SHROOM2: variants seen among roughly 807,000 people sequenced by gnomAD.
SHROOM2 encodes protein Shroom2.
Under a neutral mutation model 75.9 loss-of-function variants are expected in SHROOM2, and 33 were observed. That is an observed-to-expected ratio of 0.43 (90% CI 0.33 to 0.58). The LOEUF (loss-of-function observed/expected upper bound fraction) is 0.58. Ranked by LOEUF, SHROOM2 falls within the 20% of genes least tolerant of loss-of-function variation. The probability of loss-of-function intolerance (pLI) is 0.04; values close to 1 mark genes in which losing one functional copy is unlikely to be tolerated. For missense variants in SHROOM2, 1,434 were observed against 1,461.2 expected, an observed-to-expected ratio of 0.98 and a Z score of 0.30; for synonymous variants, 655 against 663.6, an observed-to-expected ratio of 0.99 and a Z score of 0.20.
chrX:9,921,564 G>GAC (rs34371008), intron 5 of SHROOM2, among the ~76,000 whole-genome samples: 35,901 of 110,276 alleles, frequency 0.33, 4,707 homozygotes, highest in African/African-American at 0.48. Context: ...AGGTCTCTGG[G>GAC]TAATTCATCT....
At chrX:9,792,635 G>C (rs1185099225) in intron 1 of SHROOM2, among the ~76,000 whole-genome samples, 1 of 109,701 alleles carries the variant, frequency 9.1e-6, no homozygotes, top group Non-Finnish European at 1.9e-5. Context: ...AAATTGTTGA[G>C]GTCAACAAGA....
chrX:9,787,259 C>A (rs899220055), intron 1 of SHROOM2, among the ~76,000 whole-genome samples: 3 of 112,319 alleles, frequency 2.7e-5, no homozygotes, highest in Non-Finnish European at 5.6e-5. Context: ...CTTAGAGAAA[C>A]CTGAAAGCCT....
At chrX:9,919,521 A>G (rs952420218) in intron 5 of SHROOM2, among the ~76,000 whole-genome samples, 3 of 108,213 alleles carry the variant, frequency 2.8e-5, no homozygotes, top group Middle Eastern at 4.6e-3. Flanking sequence ...TAGTAGAGAC[A>G]GGGTTTCACC....
chrX:9,812,626 C>T (rs1296901073), intron 1 of SHROOM2, among the ~76,000 whole-genome samples: 3 of 112,195 alleles, frequency 2.7e-5, no homozygotes, highest in Non-Finnish European at 5.6e-5. Context: ...ACCAATAAGT[C>T]CAGTGTGTTT....
At chrX:9,819,719 G>T (rs907376631) in intron 1 of SHROOM2, among the ~76,000 whole-genome samples, 1 of 110,745 alleles carries the variant, frequency 9.0e-6, no homozygotes, top group Non-Finnish European at 1.9e-5. Flanking sequence ...CTTGAAAAGC[G>T]CTGTCCTTCA....
chrX:9,934,126 G>T (rs373942730), intron 6 of SHROOM2, among the ~76,000 whole-genome samples: 40 of 111,538 alleles, frequency 3.6e-4, no homozygotes, highest in African/African-American at 1.3e-3. Flanking sequence ...AGAGCCGCAC[G>T]CCCAGCACAG....
chrX:9,826,894 G>A (rs959377350), intron 1 of SHROOM2, among the ~76,000 whole-genome samples: 1 of 112,937 alleles, frequency 8.9e-6, no homozygotes, highest in Non-Finnish European at 1.9e-5. Flanking sequence ...TTTGAAAGGT[G>A]GACAGTGGTA....
intron 1 of SHROOM2, among the ~76,000 whole-genome samples, chrX:9,822,561 T>C (rs966090770): frequency 8.9e-6 from 1 of 112,682 alleles, no homozygotes; most frequent in Admixed American, 9.3e-5. Flanking sequence ...TCCTGGTGCC[T>C]GAACACACGT....
intron 5 of SHROOM2, among the ~76,000 whole-genome samples, chrX:9,929,694 C>G (rs1234804530): frequency 1.8e-5 from 2 of 111,712 alleles, no homozygotes; most frequent in Non-Finnish European, 3.8e-5. Flanking sequence ...TGGATTTTAG[C>G]AATAAATTAT....
chrX:9,856,808 G>A (rs1431459557), intron 1 of SHROOM2, among the ~76,000 whole-genome samples: 2 of 112,056 alleles, frequency 1.8e-5, no homozygotes, highest in African/African-American at 3.2e-5. Context: ...GGGAAAGGGT[G>A]GTACCAGACA....
chrX:9,902,051 T>G (rs2084368236), intron 5 of SHROOM2, among the ~76,000 whole-genome samples: 1 of 110,140 alleles, frequency 9.1e-6, no homozygotes, highest in Non-Finnish European at 1.9e-5. Flanking sequence ...GATAGATGGA[T>G]GGATGGATGC....
At chrX:9,908,712 T>TTTGG (rs1304628180) in intron 5 of SHROOM2, among the ~76,000 whole-genome samples, 1 of 110,428 alleles carries the variant, frequency 9.1e-6, no homozygotes, top group Non-Finnish European at 1.9e-5. Flanking sequence ...ATCCCAGCAC[T>TTTGG]TTGGGAGGCT....
chrX:9,858,240 C>T (rs182178954), intron 1 of SHROOM2, among the ~76,000 whole-genome samples: 5 of 111,746 alleles, frequency 4.5e-5, no homozygotes, highest in Non-Finnish European at 1.9e-5. Flanking sequence ...GCCTCCCTGA[C>T]GTTGCACGGC....
At chrX:9,792,204 G>A (rs763175805) in intron 1 of SHROOM2, among the ~76,000 whole-genome samples, 1 of 110,604 alleles carries the variant, frequency 9.0e-6, no homozygotes, top group East Asian at 2.9e-4. Context: ...TGGAGGAATT[G>A]TTGTCCTTTA....
intron 1 of SHROOM2, among the ~76,000 whole-genome samples, chrX:9,824,575 C>T (rs2083878661): frequency 8.9e-6 from 1 of 112,207 alleles, no homozygotes; most frequent in South Asian, 3.7e-4. Context: ...TTCCTCCCCT[C>T]CCCACAAAGA....
At chrX:9,840,543 A>G (rs2083974261) in intron 1 of SHROOM2, among the ~76,000 whole-genome samples, 1 of 112,441 alleles carries the variant, frequency 8.9e-6, no homozygotes, top group Non-Finnish European at 1.9e-5. Context: ...TGCTGGGATT[A>G]CAGGCATGAG....
At chrX:9,939,454 C>A in intron 8 of SHROOM2, 88 bp downstream of exon 8, 1 of 834,195 alleles carries the variant, frequency 1.2e-6, no homozygotes, top group Non-Finnish European at 1.7e-6. Context: ...AGCGCAGACC[C>A]TGCACCACGT....
intron 1 of SHROOM2, among the ~76,000 whole-genome samples, chrX:9,824,902 C>T (rs756014698): frequency 2.7e-5 from 3 of 111,516 alleles, no homozygotes; most frequent in Admixed American, 9.5e-5. Context: ...CCATCTCCTG[C>T]GGGACACTTG....
At chrX:9,936,157 G>A (rs1188890233) in intron 6 of SHROOM2, among the ~76,000 whole-genome samples, 4 of 110,156 alleles carry the variant, frequency 3.6e-5, no homozygotes, top group African/African-American at 1.3e-4. Flanking sequence ...GAGTGCAGTG[G>A]TGTGATCTCA....
Sources: allele counts gnomAD v4.1 joint callset (sites outside exome capture counted in the v4.1 genomes callset), GRCh38; gene constraint gnomAD v4.1.1; transcripts MANE v1.5; gene names NCBI Gene and HGNC (gene_info 2026-07-23, HGNC 2026-07-21).